PIKFYVE: variants seen among roughly 807,000 people sequenced by gnomAD.
PIKFYVE encodes 1-phosphatidylinositol 3-phosphate 5-kinase.
Under a neutral mutation model 257.9 loss-of-function variants are expected in PIKFYVE, and 122 were observed. The ratio of observed to expected loss-of-function variants is 0.47; its 90% CI spans 0.41 to 0.55. PIKFYVE has a LOEUF of 0.55. Among genes scored for constraint, PIKFYVE ranks in the 20% least tolerant of loss-of-function variants. The pLI is 0.00. For missense variants in PIKFYVE, 2,160 were observed against 2,536.6 expected (o/e 0.85, Z 3.19); for synonymous variants, 892 against 868.9 (o/e 1.03, Z -0.47).
rs1700139269 is a variant in PIKFYVE at position 208,355,975 on chromosome 2, T to G, written c.*670T>G. 6.6e-6 allele frequency: 1 copy of G among 152,644 alleles called. No homozygotes were observed. Among genetic ancestry groups the G allele is most frequent in the African/African-American group, 2.4e-5 (1 of 41,458 alleles). 9.5% of individuals were successfully genotyped at this position (152,644 alleles called of 1,614,324 possible). ...GACAGGAGGCTACAGCAATTAACTT[T>G]AAGCCTCCTTTTAGAGATATTTTTA... On this transcript the variant is annotated 3_prime_UTR_variant, in exon 42 of 42. Transcript: ENST00000264380.
intron 10 of PIKFYVE, 110 bp from the exon 11 acceptor site, chr2:208,304,061 C>A: frequency 7.7e-7 from 1 of 1,302,324 alleles, no homozygotes; most frequent in Non-Finnish European, 1.1e-6. Flanking sequence ...TTATAAAATT[C>A]AATTGTTAGG....
chr2:208,327,739 A>G (rs375716925), intron 20 of PIKFYVE, among the ~76,000 whole-genome samples: 6 of 152,262 alleles, frequency 3.9e-5, no homozygotes, highest in East Asian at 1.9e-4. Flanking sequence ...TACTGTTTCA[A>G]TTTTAACAGA....
At chr2:208,306,157 TATGTTATTTAAAA>T in intron 12 of PIKFYVE, among the ~76,000 whole-genome samples, 1 of 152,332 alleles carries the variant, frequency 6.6e-6, no homozygotes, top group Non-Finnish European at 1.5e-5. Context: ...TAAAAAGGAA[TATGTTATTTAAAA>T]ATAAGTAGAG....
At chr2:208,346,371 T>C (rs1699234791) in intron 34 of PIKFYVE, among the ~76,000 whole-genome samples, 1 of 152,200 alleles carries the variant, frequency 6.6e-6, no homozygotes, top group Non-Finnish European at 1.5e-5. Context: ...ATTAGAAACT[T>C]TTAGAAGCTC....
chr2:208,343,994 A>G (rs1273182583), intron 32 of PIKFYVE, among the ~76,000 whole-genome samples: 1 of 151,522 alleles, frequency 6.6e-6, no homozygotes, highest in Non-Finnish European at 1.5e-5. Context: ...TTTTTTTTGT[A>G]TTTTAAGTAG....
At chr2:208,280,821 C>G (rs1690708511) in intron 5 of PIKFYVE, among the ~76,000 whole-genome samples, 1 of 152,218 alleles carries the variant, frequency 6.6e-6, no homozygotes, top group Non-Finnish European at 1.5e-5. Context: ...CCATCTACTT[C>G]ACTTGTGGAG....
chr2:208,294,540 A>C (rs1008026671), intron 7 of PIKFYVE, among the ~76,000 whole-genome samples: 1 of 152,054 alleles, frequency 6.6e-6, no homozygotes, highest in African/African-American at 2.4e-5. Flanking sequence ...TGATGTAGTG[A>C]TAGGATGTAG....
intron 5 of PIKFYVE, among the ~76,000 whole-genome samples, chr2:208,279,555 C>G (rs1231358182): frequency 1.3e-5 from 2 of 152,140 alleles, no homozygotes; most frequent in African/African-American, 4.8e-5. Flanking sequence ...AATCTTTAAT[C>G]CATCTTGAAT....
intron 15 of PIKFYVE, 137 bp from the exon 16 acceptor site, chr2:208,317,717 GTTGAAAGGAAGTA>G: frequency 5.5e-6 from 4 of 723,896 alleles, no homozygotes; most frequent in Non-Finnish European, 9.6e-6. Flanking sequence ...TTGATCGTTG[GTTGAAAGGAAGTA>G]TTATTTCCTG....
chr2:208,354,185 A>G, intron 40 of PIKFYVE, 26 bp downstream of exon 40: 6 of 1,607,682 alleles, frequency 3.7e-6, no homozygotes, highest in Non-Finnish European at 5.1e-6. Context: ...CCCTGCTTAT[A>G]TTTCATGATT....
At chr2:208,288,933 A>G (rs1173184701) in intron 7 of PIKFYVE, 115 bp downstream of exon 7, 3 of 1,303,154 alleles carry the variant, frequency 2.3e-6, no homozygotes, top group Non-Finnish European at 1.1e-6. Flanking sequence ...CCGTAGCTCT[A>G]AAAGCTGAAT....
intron 7 of PIKFYVE, among the ~76,000 whole-genome samples, chr2:208,298,091 A>T (rs183442194): frequency 6.6e-6 from 1 of 152,326 alleles, no homozygotes; most frequent in Non-Finnish European, 1.5e-5. Context: ...TCCCTTCATC[A>T]GATTGATTGC....
chr2:208,340,827 T>C (rs1698625167), intron 31 of PIKFYVE, among the ~76,000 whole-genome samples: 2 of 152,156 alleles, frequency 1.3e-5, no homozygotes, highest in Admixed American at 1.3e-4. Flanking sequence ...TAGGAGCTCA[T>C]AATCTTTGGG....
intron 14 of PIKFYVE, among the ~76,000 whole-genome samples, 188 bp from the exon 15 acceptor site, chr2:208,315,005 C>T (rs1695331764): frequency 6.6e-6 from 1 of 152,036 alleles, no homozygotes; most frequent in African/African-American, 2.4e-5. Context: ...GGAAGATATT[C>T]AGATTTCATT....
At chr2:208,314,032 T>C (rs1037621247) in intron 13 of PIKFYVE, among the ~76,000 whole-genome samples, 3 of 152,248 alleles carry the variant, frequency 2.0e-5, no homozygotes, top group Non-Finnish European at 4.4e-5. Flanking sequence ...TTCACAGTTC[T>C]GTTTCTGATT....
chr2:208,312,317 T>A, intron 13 of PIKFYVE, 22 bp downstream of exon 13: 1 of 1,560,786 alleles, frequency 6.4e-7, no homozygotes, highest in Non-Finnish European at 8.8e-7. Flanking sequence ...AAAAGCTGTA[T>A]GTGGAATGGT....
At position 208,302,924 on chromosome 2, in the gene PIKFYVE, A is replaced by G. The variant is rs138395896; in HGVS notation, c.1320+571A>G. On this transcript the variant is annotated intron_variant, in intron 10 of 41. Transcript: ENST00000264380. The stretch of plus-strand genomic sequence containing the variant: ...GTGAAATCCCGTCTCTACTAAAAAT[A>G]CAAAAAAATTAGCCAGGCATGGTGG... Among the ~76,000 whole-genome samples, 401 of 152,190 alleles carry G rather than the reference A, an allele frequency of 2.6e-3. 1 individual carries two copies. The highest frequency in any genetic ancestry group is 8.7e-3 in the African/African-American group (363 of 41,506).
chr2:208,335,459 A>G (rs772248286), intron 25 of PIKFYVE, 40 bp downstream of exon 25: 30 of 1,384,636 alleles, frequency 2.2e-5, no homozygotes, highest in South Asian at 8.2e-5. Context: ...TTGTTTATTT[A>G]CAGCTATTTT....
At chr2:208,279,175 ATGTT>A (rs1215271375) in intron 5 of PIKFYVE, among the ~76,000 whole-genome samples, 2 of 151,932 alleles carry the variant, frequency 1.3e-5, no homozygotes, top group Non-Finnish European at 2.9e-5. Flanking sequence ...ACATTTTTTC[ATGTT>A]TGTTGGCCAC....
Sources: allele counts gnomAD v4.1 joint callset (sites outside exome capture counted in the v4.1 genomes callset), GRCh38; gene constraint gnomAD v4.1.1; transcripts MANE v1.5; gene names NCBI Gene and HGNC (gene_info 2026-07-23, HGNC 2026-07-21).